The following FAM171A1 variants were observed in gnomAD, a reference collection of about 807,000 sequenced individuals.
FAM171A1 encodes the protein protein FAM171A1.
In FAM171A1, 23 loss-of-function variants were observed where a neutral mutation model predicts 74.9. That is an observed-to-expected ratio of 0.31 (90% CI 0.22 to 0.44). The LOEUF (loss-of-function observed/expected upper bound fraction) is 0.44. FAM171A1 is among the 20% of genes least tolerant of loss of function. FAM171A1 has a pLI of 1.00. For synonymous variants in FAM171A1, 527 were observed against 505.7 expected, an observed-to-expected ratio of 1.04 and a Z score of -0.57; for missense variants, 1,162 against 1,159.2, an observed-to-expected ratio of 1.00 and a Z score of -0.03.
chr10:15,343,861 C>T (rs1169656197), intron 1 of FAM171A1, among the ~76,000 whole-genome samples: 6 of 152,154 alleles, frequency 3.9e-5, no homozygotes, highest in Admixed American at 3.9e-4. Flanking sequence ...CAGGCTTGGG[C>T]CCCAAAAGGA....
At chr10:15,363,938 G>A (rs930420006) in intron 1 of FAM171A1, among the ~76,000 whole-genome samples, 1 of 152,062 alleles carries the variant, frequency 6.6e-6, no homozygotes, top group Non-Finnish European at 1.5e-5. Flanking sequence ...AAATGGCCCT[G>A]GGCCCTGGAG....
intron 5 of FAM171A1, among the ~76,000 whole-genome samples, chr10:15,231,216 T>A (rs981027049): frequency 2.4e-4 from 37 of 152,140 alleles, no homozygotes; most frequent in African/African-American, 8.4e-4. Flanking sequence ...ATTTTATTTT[T>A]TTTTTTGAGG....
chr10:15,321,627 G>A (rs906437233), intron 1 of FAM171A1, among the ~76,000 whole-genome samples: 4 of 152,148 alleles, frequency 2.6e-5, no homozygotes. Flanking sequence ...GAGTTTTTCT[G>A]AGTCTAGAAT....
intron 5 of FAM171A1, among the ~76,000 whole-genome samples, chr10:15,245,276 A>G (rs1329252484): frequency 6.6e-6 from 1 of 152,150 alleles, no homozygotes; most frequent in African/African-American, 2.4e-5. Context: ...CATATTGGCT[A>G]GGCTGGTCTC....
intron 3 of FAM171A1, among the ~76,000 whole-genome samples, chr10:15,272,355 T>C (rs1834837357): frequency 6.6e-6 from 1 of 152,184 alleles, no homozygotes; most frequent in African/African-American, 2.4e-5. Context: ...GTCCTAAATA[T>C]ATATGCACCC....
At chr10:15,366,640 A>C (rs1019794622) in intron 1 of FAM171A1, among the ~76,000 whole-genome samples, 13 of 152,336 alleles carry the variant, frequency 8.5e-5, no homozygotes, top group African/African-American at 2.6e-4. Context: ...AAAAGTACAC[A>C]AGGTATTTGT....
chr10:15,370,675 G>A (rs1162292656), intron 1 of FAM171A1, among the ~76,000 whole-genome samples: 1 of 151,604 alleles, frequency 6.6e-6, no homozygotes, highest in African/African-American at 2.4e-5. Flanking sequence ...ACGAGCCCCC[G>A]CCGCAGCGGC....
chr10:15,327,349 A>C (rs1835568124), intron 1 of FAM171A1, among the ~76,000 whole-genome samples: 1 of 152,288 alleles, frequency 6.6e-6, no homozygotes, highest in Non-Finnish European at 1.5e-5. Flanking sequence ...TATTATTTCT[A>C]TAAGAATGTC....
intron 1 of FAM171A1, among the ~76,000 whole-genome samples, chr10:15,298,166 C>T (rs1223947958): frequency 6.6e-6 from 1 of 151,474 alleles, no homozygotes; most frequent in Non-Finnish European, 1.5e-5. Context: ...TCACTCTTGT[C>T]ACCCATGCTG....
intron 5 of FAM171A1, among the ~76,000 whole-genome samples, chr10:15,226,689 A>G (rs770326651): frequency 7.2e-5 from 11 of 152,330 alleles, no homozygotes; most frequent in Middle Eastern, 3.4e-3. Flanking sequence ...CAGGGTCATA[A>G]TTATGATCAA....
intron 3 of FAM171A1, among the ~76,000 whole-genome samples, chr10:15,268,993 G>A (rs1834785549): frequency 6.6e-6 from 1 of 152,184 alleles, no homozygotes; most frequent in Non-Finnish European, 1.5e-5. Flanking sequence ...AGTGAGCCAA[G>A]ATCACGCCAC....
Position 15,319,167 on chromosome 10 carries a change from T to C in FAM171A1, c.98-35062A>G, listed in dbSNP as rs371053013. Reference sequence around the variant, plus strand: ...GGCACATATGTCCATTTCTACAGCATGCCTGTGGAGGTGACGGTCTTTCAA... The same window carrying C: ...GGCACATATGTCCATTTCTACAGCACGCCTGTGGAGGTGACGGTCTTTCAA... On this transcript the variant is annotated intron_variant, in intron 1 of 7. Coordinates refer to ENST00000378116, the MANE Select transcript of FAM171A1 (RefSeq NM_001010924.2). Among the ~76,000 whole-genome samples the C allele has an allele frequency of 4.3e-4, 66 of 152,328 alleles. No individual in the cohort carries two copies. In the South Asian group the frequency reaches 7.3e-3, roughly 17 times the overall value.
At chr10:15,263,008 G>A (rs1053633573) in intron 3 of FAM171A1, among the ~76,000 whole-genome samples, 1 of 152,174 alleles carries the variant, frequency 6.6e-6, no homozygotes, top group African/African-American at 2.4e-5. Flanking sequence ...AGGGGCATAT[G>A]GAGTGTGCTG....
intron 4 of FAM171A1, 25 bp from the exon 5 acceptor site, chr10:15,248,840 C>A (rs956170392): frequency 1.5e-5 from 23 of 1,585,856 alleles, no homozygotes; most frequent in Admixed American, 1.8e-5. Context: ...CATTTTCCAT[C>A]ATTTGCATGC....
At chr10:15,292,624 G>A (rs1446000474) in intron 1 of FAM171A1, among the ~76,000 whole-genome samples, 4 of 151,994 alleles carry the variant, frequency 2.6e-5, no homozygotes, top group Non-Finnish European at 5.9e-5. Flanking sequence ...GGGATTACAG[G>A]GACATGCCAC....
At chr10:15,320,729 C>G (rs373446529) in intron 1 of FAM171A1, among the ~76,000 whole-genome samples, 3 of 152,140 alleles carry the variant, frequency 2.0e-5, no homozygotes, top group African/African-American at 7.2e-5. Context: ...CATTTTCTTC[C>G]TGTTTGTTGG....
At chr10:15,246,919 C>T (rs565241617) in intron 5 of FAM171A1, among the ~76,000 whole-genome samples, 48 of 152,188 alleles carry the variant, frequency 3.2e-4, no homozygotes, top group Non-Finnish European at 6.3e-4. Flanking sequence ...AGCACATGCT[C>T]GTGGGCTGGT....
upstream of FAM171A1, among the ~76,000 whole-genome samples, chr10:15,372,520 AC>A (rs1213978360): frequency 3.1e-5 from 4 of 126,996 alleles, 1 homozygote; most frequent in Middle Eastern, 0.013. Context: ...ACATGGTGAA[AC>A]CCTGTCTCTA....
At chr10:15,277,572 G>C (rs1236527688) in intron 2 of FAM171A1, among the ~76,000 whole-genome samples, 1 of 152,144 alleles carries the variant, frequency 6.6e-6, no homozygotes, top group African/African-American at 2.4e-5. Flanking sequence ...AAGGAAACAG[G>C]TTTACAGATG....
Sources: allele counts gnomAD v4.1 joint callset (sites outside exome capture counted in the v4.1 genomes callset), GRCh38; gene constraint gnomAD v4.1.1; transcripts MANE v1.5; gene names NCBI Gene and HGNC (gene_info 2026-07-23, HGNC 2026-07-21).